The following TAF1 variants were observed in gnomAD, a reference collection of about 807,000 sequenced individuals.
TAF1 encodes the protein TATA-box binding protein associated factor 1.
A neutral mutation model predicts 138.5 loss-of-function variants in TAF1; 2 were observed. The observed-to-expected ratio is 0.01, with a 90% CI of 0.01 to 0.05. TAF1 has a LOEUF of 0.05. TAF1 is among the 10% of genes least tolerant of loss of function. TAF1 has a pLI of 1.00. For synonymous variants in TAF1, 437 were observed against 503.2 expected (o/e 0.87, Z 1.76); for missense variants, 709 against 1,478.0 (o/e 0.48, Z 8.53).
intron 13 of TAF1, among the ~76,000 whole-genome samples, chrX:71,525,511 G>C (rs1195368802): frequency 2.7e-5 from 3 of 112,317 alleles, no homozygotes; most frequent in Non-Finnish European, 3.8e-5. Flanking sequence ...ACAGCATTGT[G>C]CAATGAATAC....
intron 13 of TAF1, among the ~76,000 whole-genome samples, chrX:71,478,199 A>C (rs2039012013): frequency 9.1e-6 from 1 of 109,412 alleles, no homozygotes; most frequent in African/African-American, 3.3e-5. Context: ...AAAAAATACA[A>C]AAAAATTAGC....
At chrX:71,421,418 G>A in intron 29 of TAF1, 42 bp downstream of exon 29, 1 of 963,317 alleles carries the variant, frequency 1.0e-6, no homozygotes. Context: ...GAATTTGAAG[G>A]TGGGGGTGGG....
chrX:71,470,618 C>T (rs2038865284), downstream of TAF1, among the ~76,000 whole-genome samples: 1 of 107,155 alleles, frequency 9.3e-6, no homozygotes, highest in Admixed American at 1.0e-4. Context: ...CTCAAGTGAT[C>T]CGCCCACCTC....
intron 34 of TAF1, among the ~76,000 whole-genome samples, chrX:71,455,766 A>G (rs754837761): frequency 3.0e-4 from 34 of 112,441 alleles, no homozygotes; most frequent in Non-Finnish European, 5.3e-4. Flanking sequence ...AATTTAATCA[A>G]ATATTTTAAT....
At chrX:71,411,702 A>G (rs1398339431) in intron 28 of TAF1, among the ~76,000 whole-genome samples, 1 of 112,504 alleles carries the variant, frequency 8.9e-6, no homozygotes, top group Non-Finnish European at 1.9e-5. Context: ...AAACACCTTT[A>G]TTGAAATATA....
chrX:71,505,533 A>G (rs1166783526), intron 13 of TAF1, among the ~76,000 whole-genome samples: 1 of 112,333 alleles, frequency 8.9e-6, no homozygotes, highest in Non-Finnish European at 1.9e-5. Flanking sequence ...CAGTTTAATC[A>G]TGAGAAAAAC....
chrX:71,381,374 C>G (rs1461776624), intron 8 of TAF1, among the ~76,000 whole-genome samples: 2 of 112,037 alleles, frequency 1.8e-5, no homozygotes, highest in Non-Finnish European at 3.8e-5. Flanking sequence ...AGGTGATTCT[C>G]CTGCCTCAGC....
intron 13 of TAF1, among the ~76,000 whole-genome samples, chrX:71,499,482 A>G (rs1334009346): frequency 0.011 from 917 of 84,889 alleles, no homozygotes; most frequent in East Asian, 0.019. Flanking sequence ...CGAGGGAGTC[A>G]GGTGACAGGG....
At chrX:71,383,265 T>C in intron 12 of TAF1, 101 bp downstream of exon 12, 1 of 923,624 alleles carries the variant, frequency 1.1e-6, no homozygotes, top group East Asian at 3.4e-5. Context: ...TTGGTTATTT[T>C]CTCAGATGTG....
chrX:71,518,695 T>C (rs2039867610), intron 13 of TAF1, among the ~76,000 whole-genome samples: 1 of 92,925 alleles, frequency 1.1e-5, no homozygotes, highest in Non-Finnish European at 2.2e-5. Context: ...TTTCTTTCTT[T>C]TTTTTTTTTT....
At chrX:71,474,292 G>A (rs2038941947) in intron 13 of TAF1, among the ~76,000 whole-genome samples, 2 of 111,763 alleles carry the variant, frequency 1.8e-5, no homozygotes, top group African/African-American at 3.2e-5. Flanking sequence ...TAGTTTGGTC[G>A]CAGAGAGATT....
chrX:71,400,367 A>T (rs2035114866), intron 24 of TAF1, among the ~76,000 whole-genome samples: 1 of 111,941 alleles, frequency 8.9e-6, no homozygotes, highest in African/African-American at 3.2e-5. Flanking sequence ...CTGGGATTAC[A>T]CGCATGAGCC....
intron 14 of TAF1, among the ~76,000 whole-genome samples, chrX:71,529,067 G>A (rs539122989): frequency 1.7e-4 from 18 of 108,606 alleles, no homozygotes; most frequent in Non-Finnish European, 3.4e-4. Context: ...TGATTGGTGC[G>A]TTTTGTTTTT....
intron 13 of TAF1, among the ~76,000 whole-genome samples, chrX:71,523,218 G>C (rs1230519801): frequency 9.5e-6 from 1 of 105,782 alleles, no homozygotes; most frequent in Non-Finnish European, 1.9e-5. Context: ...ATCCGTTATA[G>C]GTTGTGTCCA....
At chrX:71,509,259 G>A (rs1348070771) in intron 13 of TAF1, among the ~76,000 whole-genome samples, 1 of 111,882 alleles carries the variant, frequency 8.9e-6, no homozygotes, top group Non-Finnish European at 1.9e-5. Context: ...CTGGAGGCAG[G>A]GAGACTAATA....
In TAF1 at chrX:71,458,363, A is replaced by G. The variant is rs1396145012; in HGVS notation, c.5061A>G (p.Thr1687=). 8.3e-7 allele frequency: 1 copy of G among 1,210,299 alleles called. No homozygotes were observed. ...IPSATPEKQV[T]QEGEDGDGDL... ...GTGCCACTCCAGAAAAGCAGGTAAC[A>G]CAGGTAGGATGTTCTTTTTCTCTTT... Residue 1687 remains threonine (T), a synonymous_variant, in exon 35 of 38, where the codon ACA becomes ACG. Transcript: ENST00000423759.
chrX:71,509,142 C>T (rs1175775017), intron 13 of TAF1, among the ~76,000 whole-genome samples: 1 of 111,363 alleles, frequency 9.0e-6, no homozygotes, highest in Non-Finnish European at 1.9e-5. Context: ...AAAATTCAAA[C>T]TAGGAAGTGG....
At chrX:71,460,968 C>A in intron 37 of TAF1, 165 bp downstream of exon 37, 1 of 664,701 alleles carries the variant, frequency 1.5e-6, no homozygotes, top group Non-Finnish European at 2.3e-6. Flanking sequence ...AAAACATATC[C>A]TGCCCTTGAG....
chrX:71,386,163 A>G (rs1165429480), intron 14 of TAF1, among the ~76,000 whole-genome samples: 1 of 105,261 alleles, frequency 9.5e-6, no homozygotes, highest in African/African-American at 3.4e-5. Flanking sequence ...CTCCATCTCA[A>G]AAAAAAAAAA....
Sources: allele counts gnomAD v4.1 joint callset (sites outside exome capture counted in the v4.1 genomes callset), GRCh38; gene constraint gnomAD v4.1.1; transcripts MANE v1.5; gene names NCBI Gene and HGNC (gene_info 2026-07-23, HGNC 2026-07-21).